Variants in NRG4 observed in about 807,000 individuals in gnomAD.
NRG4 encodes neuregulin 4, also known as pro-neuregulin-4, membrane-bound isoform.
NRG4 carries 10 observed loss-of-function variants against 15.0 expected under a neutral mutation model. The observed-to-expected ratio is 0.67, with a 90% confidence interval of 0.41 to 1.13. The LOEUF (loss-of-function observed/expected upper bound fraction) is 1.13, where lower values mean the gene tolerates loss of function less well. Ranked by LOEUF, NRG4 falls within the 50% of genes most tolerant of loss-of-function variation. The pLI is 0.00. For missense variants in NRG4, 139 were observed against 140.2 expected (o/e 0.99, Z 0.04); for synonymous variants, 41 against 50.1 (o/e 0.82, Z 0.77).
At chr15:76,057,720 C>T (rs983587205) in intron 1 of NRG4, among the ~76,000 whole-genome samples, 2 of 152,054 alleles carry the variant, frequency 1.3e-5, no homozygotes, top group East Asian at 3.9e-4. Context: ...TCCATTAACT[C>T]GGATTACTCA....
intron 4 of NRG4, among the ~76,000 whole-genome samples, chr15:76,039,820 G>T (rs1176503177): frequency 2.0e-5 from 3 of 152,164 alleles, no homozygotes; most frequent in Non-Finnish European, 4.4e-5. Flanking sequence ...GCCTCCCAAA[G>T]GTGGACCATT....
At chr15:76,003,449 A>G (rs1370360273) in intron 3 of NRG4, among the ~76,000 whole-genome samples, 1 of 152,150 alleles carries the variant, frequency 6.6e-6, no homozygotes, top group East Asian at 1.9e-4. Context: ...CCCATGGGAC[A>G]CCATCAAATG....
At chr15:76,059,608 C>T (rs1377733966) in intron 1 of NRG4, 1 of 152,364 alleles carries the variant, frequency 6.6e-6, no homozygotes, top group African/African-American at 2.4e-5. Context: ...CCTCGCCTCT[C>T]CACACGCTCG....
chr15:76,015,365 C>A (rs965915078), upstream of NRG4, among the ~76,000 whole-genome samples: 2 of 152,176 alleles, frequency 1.3e-5, no homozygotes, highest in African/African-American at 4.8e-5. Flanking sequence ...CTGGCCAGAA[C>A]CTCCAATACT....
intron 5 of NRG4, among the ~76,000 whole-genome samples, chr15:76,023,759 C>G (rs2035229387): frequency 6.6e-6 from 1 of 152,174 alleles, no homozygotes; most frequent in Non-Finnish European, 1.5e-5. Context: ...CTGTGCAGAG[C>G]CTGGGTCCAG....
intron 3 of NRG4, among the ~76,000 whole-genome samples, chr15:75,993,392 TAA>T (rs60453624): frequency 0.068 from 4,883 of 71,864 alleles, 216 homozygotes; most frequent in African/African-American, 0.17. Context: ...GAGGATTCTG[TAA>T]AAAAAAAAAA....
chr15:75,975,154 C>T (rs1177062457), intron 3 of NRG4, among the ~76,000 whole-genome samples: 4 of 152,132 alleles, frequency 2.6e-5, no homozygotes, highest in South Asian at 4.2e-4. Context: ...GCTGTTTTAT[C>T]GGAGACTAAG....
At chr15:75,954,273 T>G (rs1169210797) in intron 5 of NRG4, among the ~76,000 whole-genome samples, 2 of 151,966 alleles carry the variant, frequency 1.3e-5, no homozygotes, top group East Asian at 3.9e-4. Context: ...TTGTTTTTTT[T>G]TTTTTGATCT....
At chr15:76,026,926 T>C (rs1193221039) in intron 5 of NRG4, among the ~76,000 whole-genome samples, 1 of 151,934 alleles carries the variant, frequency 6.6e-6, no homozygotes, top group Admixed American at 6.6e-5. Context: ...ATTGAGACCA[T>C]CCTGGCTAAC....
intron 3 of NRG4, among the ~76,000 whole-genome samples, chr15:76,001,346 G>A (rs1189347607): frequency 6.6e-6 from 1 of 151,968 alleles, no homozygotes; most frequent in Non-Finnish European, 1.5e-5. Flanking sequence ...GAAATTATTT[G>A]TAGTAATATA....
intron 2 of NRG4, chr15:76,053,310 C>T (rs2141968373): frequency 1.3e-5 from 2 of 151,052 alleles, no homozygotes; most frequent in Admixed American, 1.3e-4. Context: ...ATCTTGGTTC[C>T]TTACTAGCTG....
chr15:76,010,144 T>C (rs1273141321), intron 2 of NRG4, among the ~76,000 whole-genome samples: 1 of 152,092 alleles, frequency 6.6e-6, no homozygotes, highest in African/African-American at 2.4e-5. Flanking sequence ...AGCCATTGTA[T>C]AGAAAAAATT....
intron 4 of NRG4, among the ~76,000 whole-genome samples, chr15:75,959,362 T>C (rs1252457512): frequency 1.3e-5 from 2 of 152,216 alleles, no homozygotes; most frequent in Non-Finnish European, 2.9e-5. Context: ...TTGGTCACTA[T>C]ATTAGATATG....
In NRG4 at chr15:76,025,454, T is replaced by G. The variant is rs562737676; in HGVS notation, c.-57+10490A>C. Reference sequence around the variant, plus strand: ...ACTCTGTCTCAAAAAAAAGAGAATATAGATAGACAACACAATGAAATTTTA... The same window carrying G: ...ACTCTGTCTCAAAAAAAAGAGAATAGAGATAGACAACACAATGAAATTTTA... On this transcript the variant is annotated intron_variant, in intron 5 of 8. Transcript: ENST00000563910. 1.1e-3 allele frequency among the ~76,000 whole-genome samples: 164 copies of G among 151,282 alleles called. 5 individuals are homozygous for G. In the South Asian group the frequency reaches 0.032, roughly 29 times the overall value.
rs1218371563 is a variant in NRG4 at position 75,962,646 on chromosome 15, C to T, written c.105-672G>A. 3.9e-5 allele frequency among the ~76,000 whole-genome samples: 6 copies of T among 152,302 alleles called. No homozygotes were observed. In the South Asian group the frequency reaches 6.2e-4, roughly 16 times the overall value. ...ATTTTATAGCCAATTACCTGTAGCT[C>T]TCTAAAACTATATAACAAAGAACCA... On this transcript the variant is annotated intron_variant, in intron 3 of 5. Coordinates refer to ENST00000394907, the MANE Select transcript of NRG4 (RefSeq NM_138573.4).
At chr15:76,024,316 C>T (rs2035243814) in intron 5 of NRG4, among the ~76,000 whole-genome samples, 1 of 152,230 alleles carries the variant, frequency 6.6e-6, no homozygotes, top group African/African-American at 2.4e-5. Context: ...GTCCTGGCCA[C>T]ATCTACCAGA....
intron 4 of NRG4, among the ~76,000 whole-genome samples, chr15:76,050,906 C>T (rs1567129510): frequency 6.7e-6 from 1 of 150,068 alleles, no homozygotes; most frequent in Non-Finnish European, 1.5e-5. Flanking sequence ...CCTGGGCTCA[C>T]GCTATCCTCC....
intron 2 of NRG4, among the ~76,000 whole-genome samples, chr15:76,056,213 C>T (rs753989951): frequency 1.3e-5 from 2 of 151,998 alleles, no homozygotes; most frequent in African/African-American, 4.8e-5. Flanking sequence ...TTTGGGAGGC[C>T]GAGGCAGGCA....
Position 76,050,448 on chromosome 15 carries a change from T to G in NRG4, c.-105+1619A>C, listed in dbSNP as rs970458489. The stretch of plus-strand genomic sequence containing the variant: ...CACCCCGAGCCTTCGTTTTTTTTTT[T>G]TTTTTTTTTTTGAAACGGAGTCTCA... On this transcript the variant is annotated intron_variant, in intron 4 of 8. Transcript: ENST00000563910. Among the ~76,000 whole-genome samples, 27 of 142,544 alleles carry G rather than the reference T, an allele frequency of 1.9e-4. 3 individuals carry two copies. The highest frequency in any genetic ancestry group is 5.4e-4 in the African/African-American group (20 of 36,812). The allele number at this position is 142,544 out of a possible 152,430, so 93.5% of individuals were successfully genotyped here.
Sources: allele counts gnomAD v4.1 joint callset (sites outside exome capture counted in the v4.1 genomes callset), GRCh38; gene constraint gnomAD v4.1.1; transcripts MANE v1.5; gene names NCBI Gene and HGNC (gene_info 2026-07-23, HGNC 2026-07-21).